Variants in TRPM4 observed in about 807,000 individuals in gnomAD.
TRPM4 encodes the protein transient receptor potential cation channel subfamily M member 4.
Under a neutral mutation model 135.6 loss-of-function variants are expected in TRPM4, and 124 were observed. The ratio of observed to expected loss-of-function variants is 0.91; its 90% CI spans 0.79 to 1.06. The LOEUF is 1.06. Ranked by LOEUF, TRPM4 falls within the 50% of genes least tolerant of loss-of-function variation. The probability of loss-of-function intolerance (pLI) is 0.00; values close to 1 mark genes in which losing one functional copy is unlikely to be tolerated. For synonymous variants in TRPM4, 745 were observed against 705.6 expected, an observed-to-expected ratio of 1.06 and a Z score of -0.88; for missense variants, 1,658 against 1,671.4, an observed-to-expected ratio of 0.99 and a Z score of 0.14.
chr19:49,186,295 C>T (rs1968194449), intron 12 of TRPM4, among the ~76,000 whole-genome samples: 1 of 152,208 alleles, frequency 6.6e-6, no homozygotes, highest in Non-Finnish European at 1.5e-5. Context: ...AAGCTGTTTA[C>T]AGTTCTGCTT....
rs1343110572 is a variant in TRPM4, at chr19:49,210,030, T to A, written c.3132-179T>A. ...TCCCAAAGTGCTGGGACTACAGGCG[T>A]GACCAAACGCCCTTGGCTCTAACCT... On this transcript the variant is annotated intron_variant, in intron 20 of 24. Coordinates refer to ENST00000252826, the MANE Select transcript of TRPM4 (RefSeq NM_017636.4). The surrounding 1 kb of genome is among the most constrained non-coding windows in gnomAD (Gnocchi z 4.1). Among the ~76,000 whole-genome samples the A allele has an allele frequency of 1.3e-5, 2 of 152,182 alleles. No individual in the cohort carries two copies. The highest frequency in any genetic ancestry group is 4.8e-5 in the African/African-American group (2 of 41,436).
chr19:49,184,576 T>G (rs1968126668), intron 12 of TRPM4, among the ~76,000 whole-genome samples: 1 of 146,468 alleles, frequency 6.8e-6, no homozygotes, highest in Non-Finnish European at 1.5e-5. Context: ...TTCTCCTGCC[T>G]CCACGCCATT....
At chr19:49,208,278 C>CTG (rs1969222490) in intron 20 of TRPM4, among the ~76,000 whole-genome samples, 1 of 148,148 alleles carries the variant, frequency 6.8e-6, no homozygotes. Context: ...GCGGGCCTGA[C>CTG]ATCAGTCAGG....
chr19:49,170,153 A>C (rs1427898114), intron 6 of TRPM4, among the ~76,000 whole-genome samples: 13 of 152,196 alleles, frequency 8.5e-5, no homozygotes, highest in Non-Finnish European at 4.4e-5. Flanking sequence ...CTCCAGGATG[A>C]ATACAGTGTT....
At chr19:49,208,486 A>T (rs1969232473) in intron 20 of TRPM4, among the ~76,000 whole-genome samples, 1 of 151,832 alleles carries the variant, frequency 6.6e-6, no homozygotes, top group East Asian at 1.9e-4. Context: ...GGCCCTGTCC[A>T]GGAATAACAG....
At chr19:49,192,392 C>G (rs1968444607) in intron 16 of TRPM4, among the ~76,000 whole-genome samples, 1 of 152,116 alleles carries the variant, frequency 6.6e-6, no homozygotes, top group South Asian at 2.1e-4. Context: ...ATCTGTCCTC[C>G]TCAGCCTCCC....
At chr19:49,208,334 G>A (rs1969226421) in intron 20 of TRPM4, among the ~76,000 whole-genome samples, 1 of 151,686 alleles carries the variant, frequency 6.6e-6, no homozygotes, top group African/African-American at 2.4e-5. Context: ...ACTCCCCCGG[G>A]GAAAGGGAGA....
At chr19:49,208,231 A>C (rs1182547376) in intron 20 of TRPM4, among the ~76,000 whole-genome samples, 1 of 152,206 alleles carries the variant, frequency 6.6e-6, no homozygotes. Context: ...GAAGCACAGC[A>C]TCACAGGGAG....
intron 2 of TRPM4, among the ~76,000 whole-genome samples, chr19:49,165,266 CGCTAGATG>C (rs1967127152): frequency 6.6e-6 from 1 of 152,156 alleles, no homozygotes; most frequent in Non-Finnish European, 1.5e-5. Context: ...TTTCCCTACT[CGCTAGATG>C]GCTGTTGCCA....
intron 9 of TRPM4, among the ~76,000 whole-genome samples, chr19:49,173,650 G>T (rs117608406): frequency 6.6e-4 from 101 of 152,222 alleles, no homozygotes; most frequent in Non-Finnish European, 1.4e-3. Context: ...AGGCTGGGGA[G>T]GGTCTTATTT....
At chr19:49,157,979 C>A in intron 1 of TRPM4, 89 bp downstream of exon 1, 7 of 1,441,972 alleles carry the variant, frequency 4.9e-6, no homozygotes, top group Non-Finnish European at 6.6e-6. Context: ...CACCCAGATT[C>A]CTGGGTCAGA....
chr19:49,187,335 C>T (rs1968235691), intron 12 of TRPM4, among the ~76,000 whole-genome samples: 2 of 151,898 alleles, frequency 1.3e-5, no homozygotes, highest in Admixed American at 1.3e-4. Context: ...GGTCACCTCT[C>T]CAAGGGCTTT....
At position 49,210,930 on chromosome 19, in the gene TRPM4, G is replaced by A; in HGVS notation, c.3462-85G>A. ...AAGGCAGGGTCCTGGGAGGGAGGGAGAGAGGGAGGAGGCCCGGGAAGCAGG... is the reference window on the plus strand; with the variant it reads ...AAGGCAGGGTCCTGGGAGGGAGGGAAAGAGGGAGGAGGCCCGGGAAGCAGG... On this transcript the variant is annotated intron_variant, in intron 22 of 24. Transcript: ENST00000252826. This position sits in a 1 kb window ranked among gnomAD's most constrained non-coding sequence, Gnocchi z 4.1. The A allele has an allele frequency of 6.4e-7, 1 of 1,551,058 alleles. No individual in the cohort carries two copies. The highest frequency in any genetic ancestry group is 1.1e-5 in the South Asian group (1 of 87,230).
At chr19:49,179,512 G>A (rs775842182) in intron 9 of TRPM4, among the ~76,000 whole-genome samples, 6 of 151,702 alleles carry the variant, frequency 4.0e-5, no homozygotes, top group Non-Finnish European at 7.4e-5. Context: ...ACCATGCCCA[G>A]CTAATTTTTT....
At chr19:49,200,560 G>A (rs1968882943) in intron 18 of TRPM4, 51 bp from the exon 19 acceptor site, 1 of 1,605,414 alleles carries the variant, frequency 6.2e-7, no homozygotes, top group South Asian at 1.1e-5. Flanking sequence ...ATATAGGGGT[G>A]GGGCCAGAGT....
intron 2 of TRPM4, among the ~76,000 whole-genome samples, chr19:49,164,372 T>TTTG (rs1967091956): frequency 3.6e-5 from 3 of 82,460 alleles, no homozygotes; most frequent in Non-Finnish European, 7.1e-5. Context: ...TAGTTTTTTT[T>TTTG]TTTTTTTTTT....
intron 14 of TRPM4, 123 bp downstream of exon 14, chr19:49,189,214 C>T: frequency 1.4e-6 from 2 of 1,403,016 alleles, no homozygotes; most frequent in East Asian, 4.7e-5. Flanking sequence ...GGAGATCCCC[C>T]AGAAAGTCTC....
At chr19:49,193,172 C>G in intron 16 of TRPM4, among the ~76,000 whole-genome samples, 1 of 151,548 alleles carries the variant, frequency 6.6e-6, no homozygotes, top group Non-Finnish European at 1.5e-5. Flanking sequence ...GCTCCTCCTC[C>G]CGGGTTCACA....
chr19:49,165,730 G>A (rs1967144353), intron 2 of TRPM4, among the ~76,000 whole-genome samples: 1 of 152,132 alleles, frequency 6.6e-6, no homozygotes, highest in Non-Finnish European at 1.5e-5. Context: ...GGGGGCACAG[G>A]GCACAGCAAG....
Sources: allele counts gnomAD v4.1 joint callset (sites outside exome capture counted in the v4.1 genomes callset), GRCh38; gene constraint gnomAD v4.1.1; non-coding constraint Gnocchi (gnomAD v3.1); transcripts MANE v1.5; gene names NCBI Gene and HGNC (gene_info 2026-07-23, HGNC 2026-07-21).